TMEFF2: variants seen among roughly 807,000 people sequenced by gnomAD.
The protein encoded by TMEFF2 is tomoregulin-2.
In TMEFF2, 28 loss-of-function variants were observed where a neutral mutation model predicts 53.8. That is an observed-to-expected ratio of 0.52 (90% confidence interval 0.39 to 0.71). TMEFF2 has a LOEUF of 0.71. Ranked by LOEUF, TMEFF2 falls within the 30% of genes least tolerant of loss-of-function variation. TMEFF2 has a pLI of 0.00. For synonymous variants in TMEFF2, 162 were observed against 166.3 expected (o/e 0.97, Z 0.20); for missense variants, 353 against 455.2 (o/e 0.78, Z 2.04).
intron 4 of TMEFF2, chr2:192,179,099 C>A (rs1371176364): frequency 6.6e-6 from 1 of 151,064 alleles, no homozygotes; most frequent in Non-Finnish European, 1.5e-5. Context: ...GAACATATAT[C>A]ATACTTTAGT....
intron 4 of TMEFF2, among the ~76,000 whole-genome samples, chr2:192,111,330 CAGAT>C (rs1689271278): frequency 6.6e-6 from 1 of 152,086 alleles, no homozygotes; most frequent in Non-Finnish European, 1.5e-5. Flanking sequence ...GAGGTTGTCT[CAGAT>C]GGAGATGAGG....
chr2:192,140,591 C>A (rs1415948716), intron 4 of TMEFF2, among the ~76,000 whole-genome samples: 1 of 151,886 alleles, frequency 6.6e-6, no homozygotes, highest in East Asian at 1.9e-4. Context: ...ATAAAAAAAA[C>A]ACAACGTGGG....
At chr2:192,124,060 G>T (rs2105969344) in intron 4 of TMEFF2, among the ~76,000 whole-genome samples, 1 of 152,308 alleles carries the variant, frequency 6.6e-6, no homozygotes, top group East Asian at 1.9e-4. Context: ...TGCCTGCCAA[G>T]AACTGATCAG....
At chr2:192,169,689 G>C (rs377316163) in intron 4 of TMEFF2, among the ~76,000 whole-genome samples, 5 of 152,194 alleles carry the variant, frequency 3.3e-5, no homozygotes, top group African/African-American at 1.2e-4. Flanking sequence ...GATACCTAAG[G>C]GCTGAAATAT....
intron 4 of TMEFF2, among the ~76,000 whole-genome samples, chr2:192,093,712 T>C (rs1244315185): frequency 6.6e-6 from 1 of 152,036 alleles, no homozygotes; most frequent in African/African-American, 2.4e-5. Context: ...CAGACCTTAT[T>C]TGCCACTTCT....
At chr2:191,994,994 T>G (rs1686189263) in intron 7 of TMEFF2, among the ~76,000 whole-genome samples, 1 of 151,938 alleles carries the variant, frequency 6.6e-6, no homozygotes, top group South Asian at 2.1e-4. Flanking sequence ...ATTGAGCAAA[T>G]TCTTTGGTTT....
intron 4 of TMEFF2, among the ~76,000 whole-genome samples, chr2:192,144,434 T>C (rs1260118325): frequency 2.0e-5 from 3 of 152,116 alleles, no homozygotes; most frequent in Non-Finnish European, 4.4e-5. Context: ...CATCTCTAAG[T>C]ATCACGCTCT....
intron 4 of TMEFF2, among the ~76,000 whole-genome samples, chr2:192,060,888 C>T (rs557495857): frequency 5.9e-5 from 9 of 152,094 alleles, no homozygotes; most frequent in African/African-American, 1.2e-4. Flanking sequence ...TTTTGGCAAG[C>T]GATTGAGGGA....
chr2:192,134,801 T>G (rs1019245656), intron 4 of TMEFF2, among the ~76,000 whole-genome samples: 33 of 152,334 alleles, frequency 2.2e-4, no homozygotes, highest in Non-Finnish European at 4.0e-4. Flanking sequence ...TTCCTCAGTT[T>G]AGCCTTCCCA....
chr2:191,977,726 CTT>C (rs1438199372), intron 7 of TMEFF2, among the ~76,000 whole-genome samples: 1 of 152,170 alleles, frequency 6.6e-6, no homozygotes, highest in African/African-American at 2.4e-5. Flanking sequence ...AACAACAAAT[CTT>C]ATGACTTGAA....
At chr2:191,984,496 A>C (rs922323762) in intron 7 of TMEFF2, among the ~76,000 whole-genome samples, 4 of 152,180 alleles carry the variant, frequency 2.6e-5, no homozygotes, top group African/African-American at 9.7e-5. Context: ...ATCTCAATGA[A>C]ATCCCTGAAA....
chr2:192,014,707 C>T (rs182577153), intron 5 of TMEFF2, among the ~76,000 whole-genome samples: 1 of 152,276 alleles, frequency 6.6e-6, no homozygotes, highest in Admixed American at 6.5e-5. Flanking sequence ...TGCATCAAGA[C>T]ATCTATTTCA....
chr2:192,024,227 G>A (rs1574298848), intron 5 of TMEFF2, among the ~76,000 whole-genome samples: 1 of 152,188 alleles, frequency 6.6e-6, no homozygotes. Flanking sequence ...ACTATAAGCT[G>A]CATTAAGTCA....
intron 7 of TMEFF2, among the ~76,000 whole-genome samples, chr2:191,965,354 T>C (rs1692439374): frequency 6.6e-6 from 1 of 152,158 alleles, no homozygotes; most frequent in Non-Finnish European, 1.5e-5. Context: ...TTTCTACTTC[T>C]TAAGTATCTC....
chr2:191,953,632 A>C, intron 9 of TMEFF2, 47 bp downstream of exon 9: 1 of 1,591,418 alleles, frequency 6.3e-7, no homozygotes. Flanking sequence ...ATAAAAGAGT[A>C]ACAATATATC....
intron 7 of TMEFF2, among the ~76,000 whole-genome samples, chr2:191,958,069 G>A (rs1359424590): frequency 2.6e-5 from 4 of 152,186 alleles, no homozygotes; most frequent in South Asian, 4.1e-4. Flanking sequence ...ATGGGAACGT[G>A]TGACCAAAAT....
intron 4 of TMEFF2, among the ~76,000 whole-genome samples, chr2:192,112,139 G>C (rs1318574285): frequency 6.6e-6 from 1 of 152,180 alleles, no homozygotes; most frequent in Non-Finnish European, 1.5e-5. Flanking sequence ...GAGAGAAGAA[G>C]ACCATCATCC....
At chr2:192,162,439 C>T (rs191335293) in intron 4 of TMEFF2, among the ~76,000 whole-genome samples, 3 of 152,154 alleles carry the variant, frequency 2.0e-5, no homozygotes, top group African/African-American at 4.8e-5. Context: ...CACTTAAACT[C>T]GTACCATAGT....
intron 4 of TMEFF2, among the ~76,000 whole-genome samples, chr2:192,097,975 A>G (rs532635268): frequency 1.6e-4 from 25 of 152,318 alleles, no homozygotes; most frequent in Admixed American, 3.9e-4. Context: ...GAAAGGTCAC[A>G]AGCATTTGGT....
Sources: allele counts gnomAD v4.1 joint callset (sites outside exome capture counted in the v4.1 genomes callset), GRCh38; gene constraint gnomAD v4.1.1; transcripts MANE v1.5; gene names NCBI Gene and HGNC (gene_info 2026-07-23, HGNC 2026-07-21).